The following RBMS3 variants were observed in gnomAD, a reference collection of about 807,000 sequenced individuals.
RBMS3 encodes the protein RNA-binding motif, single-stranded-interacting protein 3.
A neutral mutation model predicts 66.8 loss-of-function variants in RBMS3; 27 were observed. That is an observed-to-expected ratio of 0.40 (90% CI 0.30 to 0.56). RBMS3 has a LOEUF of 0.56. Ranked by LOEUF, RBMS3 falls within the 20% of genes least tolerant of loss-of-function variation. The pLI is 0.40. For missense variants in RBMS3, 513 were observed against 549.5 expected (o/e 0.93, Z 0.66); for synonymous variants, 188 against 183.0 (o/e 1.03, Z -0.22).
chr3:29,363,563 T>C (rs755525560), intron 1 of RBMS3, among the ~76,000 whole-genome samples: 1 of 152,050 alleles, frequency 6.6e-6, no homozygotes, highest in Non-Finnish European at 1.5e-5. Flanking sequence ...CCAAAGCGGG[T>C]GGATCACCTG....
intron 4 of RBMS3, among the ~76,000 whole-genome samples, chr3:29,739,261 C>T (rs2054518013): frequency 6.6e-6 from 1 of 152,038 alleles, no homozygotes; most frequent in Non-Finnish European, 1.5e-5. Flanking sequence ...TGGAGACCAT[C>T]CTGGCTAACA....
At position 29,817,192 on chromosome 3, in the gene RBMS3, C is replaced by CTTTTTTTTTTTTTTT. The variant is rs373365962; in HGVS notation, c.638-51653_638-51652insTTTTTTTTTTTTTTT. On this transcript the variant is annotated intron_variant, in intron 6 of 14. Coordinates refer to ENST00000383767, the MANE Select transcript of RBMS3 (RefSeq NM_001003793.3). Reference sequence around the variant, plus strand: ...GGGTTGCATTTCCAAATTTTCTTTTCTTTTTTTTTTTTTGAGGCAAAGTCT... The same window carrying CTTTTTTTTTTTTTTT: ...GGGTTGCATTTCCAAATTTTCTTTTCTTTTTTTTTTTTTTTTTTTTTTTTTTTTGAGGCAAAGTCT... 9.7e-3 allele frequency among the ~76,000 whole-genome samples: 1,230 copies of CTTTTTTTTTTTTTTT among 126,858 alleles called. 23 individuals carry two copies. Among genetic ancestry groups the CTTTTTTTTTTTTTTT allele is most frequent in the Non-Finnish European group, 0.012 (752 of 61,252 alleles). The allele number at this position is 126,858 out of a possible 152,430, so 83.2% of individuals were successfully genotyped here.
intron 1 of RBMS3, among the ~76,000 whole-genome samples, chr3:29,390,572 A>G (rs1023453860): frequency 1.3e-5 from 2 of 152,170 alleles, no homozygotes; most frequent in African/African-American, 4.8e-5. Flanking sequence ...AAATGAAAAG[A>G]CATGCCTTTG....
chr3:29,509,592 C>T (rs2044320867), intron 3 of RBMS3, among the ~76,000 whole-genome samples: 1 of 152,144 alleles, frequency 6.6e-6, no homozygotes, highest in Admixed American at 6.6e-5. Flanking sequence ...TTTATGCTGC[C>T]TGTGTGCTCT....
chr3:29,936,283 GTGTC>G, intron 11 of RBMS3, 87 bp downstream of exon 11: 1 of 1,229,436 alleles, frequency 8.1e-7, no homozygotes, highest in Non-Finnish European at 1.2e-6. Context: ...CAGTGAAACT[GTGTC>G]TGTACCATAT....
chr3:29,493,053 T>G (rs1291291052), intron 3 of RBMS3, among the ~76,000 whole-genome samples: 6 of 152,214 alleles, frequency 3.9e-5, no homozygotes, highest in Non-Finnish European at 7.3e-5. Context: ...TTTTAAATTA[T>G]GTATCTACGT....
intron 1 of RBMS3, among the ~76,000 whole-genome samples, chr3:29,312,952 G>T (rs554029772): frequency 3.3e-5 from 5 of 151,584 alleles, no homozygotes; most frequent in African/African-American, 1.2e-4. Flanking sequence ...TGCCATTCAC[G>T]TGTACCCCAT....
chr3:29,685,186 G>A (rs2051671848), intron 4 of RBMS3, among the ~76,000 whole-genome samples: 1 of 152,020 alleles, frequency 6.6e-6, no homozygotes, highest in Non-Finnish European at 1.5e-5. Context: ...AGCCTCCCGA[G>A]TAGCTGGGAC....
At chr3:29,954,229 G>T (rs578149055) in intron 12 of RBMS3, among the ~76,000 whole-genome samples, 1 of 151,348 alleles carries the variant, frequency 6.6e-6, no homozygotes, top group African/African-American at 2.4e-5. Flanking sequence ...TTATATAGAT[G>T]ACCTCCAAAT....
chr3:29,674,697 T>A (rs2051157264), intron 4 of RBMS3, among the ~76,000 whole-genome samples: 2 of 140,066 alleles, frequency 1.4e-5, no homozygotes, highest in Admixed American at 1.5e-4. Flanking sequence ...TTACAAGGGA[T>A]GTGAAGGACC....
intron 3 of RBMS3, among the ~76,000 whole-genome samples, chr3:29,554,471 A>C (rs1013820383): frequency 1.3e-5 from 2 of 152,210 alleles, no homozygotes; most frequent in Admixed American, 1.3e-4. Context: ...TCTTTCCCTC[A>C]GAAGTACTTA....
intron 1 of RBMS3, among the ~76,000 whole-genome samples, chr3:29,342,403 G>A (rs528200977): frequency 6.6e-6 from 1 of 152,200 alleles, no homozygotes; most frequent in South Asian, 2.1e-4. Context: ...TCTGGATTTG[G>A]AATATGCTAA....
chr3:29,705,623 G>C (rs1244591808), intron 4 of RBMS3, among the ~76,000 whole-genome samples: 1 of 152,070 alleles, frequency 6.6e-6, no homozygotes, highest in Non-Finnish European at 1.5e-5. Context: ...GTTATTTTTA[G>C]TTATTTCCTA....
At chr3:29,986,527 T>C (rs2149792187) in intron 12 of RBMS3, among the ~76,000 whole-genome samples, 1 of 152,346 alleles carries the variant, frequency 6.6e-6, no homozygotes, top group Middle Eastern at 3.4e-3. Context: ...TTCCAAGGAA[T>C]ATATTGTAAA....
intron 2 of RBMS3, among the ~76,000 whole-genome samples, chr3:29,459,621 T>A (rs575716578): frequency 1.3e-5 from 2 of 152,230 alleles, no homozygotes; most frequent in Admixed American, 1.3e-4. Context: ...CTGTCATAGG[T>A]GCTGAAACAA....
intron 4 of RBMS3, among the ~76,000 whole-genome samples, chr3:29,735,961 A>G (rs9880951): frequency 3.2e-4 from 48 of 152,274 alleles, no homozygotes; most frequent in African/African-American, 1.1e-3. Flanking sequence ...AATTATAAAA[A>G]GATCTTTTTG....
intron 4 of RBMS3, among the ~76,000 whole-genome samples, chr3:29,733,479 A>G (rs1021986354): frequency 6.6e-6 from 1 of 151,918 alleles, no homozygotes; most frequent in Non-Finnish European, 1.5e-5. Context: ...TTACATTCTG[A>G]CTAAAAGTGT....
chr3:29,921,486 C>T lies in RBMS3; in HGVS notation c.940-14600C>T, dbSNP rs1427837959. Among the ~76,000 whole-genome samples the T allele has an allele frequency of 4.3e-5, 4 of 92,688 alleles. No individual in the cohort carries two copies. In the Admixed American group the frequency reaches 6.5e-4, roughly 15 times the overall value. 60.8% of individuals were successfully genotyped at this position (92,688 alleles called of 152,430 possible). A position where few individuals can be genotyped will look rare whatever the true frequency, so the allele number is the denominator to read the frequency against. On this transcript the variant is annotated intron_variant, in intron 10 of 14. Transcript: ENST00000383767. ...ATTCTAAAAGCTATCAACTGACAGACTGTTTGGCAGGGGGGTGGGGGGGCT... is the reference window on the plus strand; with the variant it reads ...ATTCTAAAAGCTATCAACTGACAGATTGTTTGGCAGGGGGGTGGGGGGGCT...
At chr3:29,464,206 C>T (rs9310902) in intron 2 of RBMS3, among the ~76,000 whole-genome samples, 5,828 of 152,134 alleles carry the variant, frequency 0.038, 257 homozygotes, top group East Asian at 0.24. Flanking sequence ...TTAGAAAAAC[C>T]ATGCGTAAGT....
Sources: gnomAD v4.1 joint callset for allele counts (sites outside exome capture counted in the v4.1 genomes callset) on GRCh38, gnomAD v4.1.1 for gene constraint, MANE v1.5 for transcripts, NCBI Gene and HGNC (gene_info 2026-07-23, HGNC 2026-07-21) for gene names.